The following MICAL3 variants were observed in gnomAD, a reference collection of about 807,000 sequenced individuals.
MICAL3 encodes [F-actin]-monooxygenase MICAL3.
A neutral mutation model predicts 207.4 loss-of-function variants in MICAL3; 62 were observed. That is an observed-to-expected ratio of 0.30 (90% CI 0.24 to 0.37). MICAL3 has a LOEUF of 0.37. Among genes scored for constraint, MICAL3 ranks in the 10% least tolerant of loss-of-function variants. The pLI is 1.00. For synonymous variants in MICAL3, 1,077 were observed against 1,069.3 expected, an observed-to-expected ratio of 1.01 and a Z score of -0.14; for missense variants, 2,368 against 2,635.6, an observed-to-expected ratio of 0.90 and a Z score of 2.22.
intron 1 of MICAL3, among the ~76,000 whole-genome samples, chr22:17,966,465 A>C (rs115310400): frequency 0.018 from 2,747 of 152,216 alleles, 83 homozygotes; most frequent in African/African-American, 0.062. Flanking sequence ...TTCAATCCTT[A>C]TTCATATCCA....
rs565661349 is a variant in MICAL3, at chr22:17,900,431, T to A, written c.847+411A>T. ...GCCCGGGCAACATGGCGAAACTCCG[T>A]CTCTACAAGTAATACGAAAAATTAG... On this transcript the variant is annotated intron_variant, in intron 6 of 31. Transcript: ENST00000441493. This position sits in a 1 kb window ranked among gnomAD's most constrained non-coding sequence, Gnocchi z 4.0. Among the ~76,000 whole-genome samples the A allele has an allele frequency of 2.6e-5, 4 of 152,062 alleles. No homozygotes were observed. Among genetic ancestry groups the A allele is most frequent in the Non-Finnish European group, 5.9e-5 (4 of 68,012 alleles).
At chr22:17,844,075 T>C (rs1346103725) in intron 19 of MICAL3, among the ~76,000 whole-genome samples, 1 of 152,194 alleles carries the variant, frequency 6.6e-6, no homozygotes, top group Admixed American at 6.5e-5. Flanking sequence ...CTCAATCTCC[T>C]GACCTCGTGA....
intron 16 of MICAL3, among the ~76,000 whole-genome samples, chr22:17,877,297 G>GGGAGGTTAT (rs1928767853): frequency 9.6e-6 from 1 of 104,062 alleles, no homozygotes; most frequent in Non-Finnish European, 1.9e-5. Flanking sequence ...ATGGAGGTTA[G>GGGAGGTTAT]GGAGGTTATG....
At chr22:17,865,173 T>C (rs1926955662) in intron 18 of MICAL3, among the ~76,000 whole-genome samples, 187 bp from the exon 19 acceptor site, 1 of 151,800 alleles carries the variant, frequency 6.6e-6, no homozygotes, top group African/African-American at 2.4e-5. Flanking sequence ...TGCAGCGGCA[T>C]CATCATAGCT....
At chr22:18,012,217 A>C (rs1376890209) in intron 1 of MICAL3, among the ~76,000 whole-genome samples, 1 of 152,270 alleles carries the variant, frequency 6.6e-6, no homozygotes, top group Non-Finnish European at 1.5e-5. Flanking sequence ...CCTGGGCGAC[A>C]AAGCAAGGCT....
rs2289719 is a variant in MICAL3 at position 17,885,885 on chromosome 22, C to T, written c.2234G>A (p.Arg745Gln). ...GGCACGGGTTGGGTTTACCTGTCTC[C>T]GTATGCCGATGGACTGTGCGGGCGC... ...ENAPAQSIGI[R>Q]RQGSMKKEFP... is the part of the protein sequence containing the mutation. The change falls in exon 16 of 32, where the codon CGG (arginine) becomes CAG (glutamine). Residue 745 changes from arginine to glutamine, a missense_variant. Physicochemically the swap from Arg to Gln is conservative, Grantham distance 43. Around this residue, in one of 4 missense-constraint regions of MICAL3, gnomAD observed 1,770 missense variants for 1,863.2 expected, o/e 0.95. Coordinates refer to ENST00000441493, the MANE Select transcript of MICAL3 (RefSeq NM_015241.3). The T allele has an allele frequency of 8.3e-5, 134 of 1,613,786 alleles. No homozygotes were observed. The East Asian group carries it at 2.2e-3, about 26-fold the overall frequency.
At chr22:17,791,794 A>T (rs575974787) in intron 29 of MICAL3, 1 of 166,030 alleles carries the variant, frequency 6.0e-6, no homozygotes, top group South Asian at 1.6e-4. Flanking sequence ...ACCAGAATAG[A>T]TGCCTTGTCC....
At chr22:17,963,720 C>A (rs1417472489) in intron 1 of MICAL3, among the ~76,000 whole-genome samples, 1 of 152,188 alleles carries the variant, frequency 6.6e-6, no homozygotes, top group Non-Finnish European at 1.5e-5. Context: ...ACTGAAGACA[C>A]AGCTACCCAT....
intron 1 of MICAL3, among the ~76,000 whole-genome samples, chr22:17,943,189 G>T (rs953884859): frequency 3.9e-5 from 6 of 152,024 alleles, no homozygotes; most frequent in African/African-American, 1.5e-4. Flanking sequence ...TTAAAATGGA[G>T]TCTCGCTCTG....
chr22:17,962,952 T>C (rs1315564716), intron 1 of MICAL3, among the ~76,000 whole-genome samples: 1 of 152,090 alleles, frequency 6.6e-6, no homozygotes, highest in South Asian at 2.1e-4. Flanking sequence ...AGGGTCTCAC[T>C]ATGTTGCCCA....
In MICAL3 at chr22:17,831,435, G is replaced by A. The variant is rs754274895; in HGVS notation, c.3055+419C>T. ...GCCATCAACTGAGCCCCATCCAGTG[G>A]GCACTAAGCTCATAGCCACCTCCGA... On this transcript the variant is annotated intron_variant, in intron 21 of 31. Transcript: ENST00000441493. Among the ~76,000 whole-genome samples, 3 of 152,194 alleles carry A rather than the reference G, an allele frequency of 2.0e-5. No homozygotes were observed. In the East Asian group the frequency reaches 5.8e-4, roughly 29 times the overall value.
At chr22:18,022,060 C>T (rs1020302700) in intron 1 of MICAL3, among the ~76,000 whole-genome samples, 1 of 152,112 alleles carries the variant, frequency 6.6e-6, no homozygotes, top group African/African-American at 2.4e-5. Flanking sequence ...ACATTTCAGA[C>T]CCCCAGTTTT....
chr22:17,866,862 A>AT (rs1233938235), intron 17 of MICAL3, among the ~76,000 whole-genome samples: 4 of 152,268 alleles, frequency 2.6e-5, no homozygotes, highest in East Asian at 3.9e-4. Flanking sequence ...CCACGCAGTC[A>AT]TTTTTTTCTG....
intron 19 of MICAL3, chr22:17,864,406 G>GAT: frequency 7.3e-7 from 1 of 1,373,050 alleles, no homozygotes; most frequent in Non-Finnish European, 9.4e-7. Context: ...AATCTTAAGT[G>GAT]AAGGTGAACC....
chr22:17,866,613 C>CAGAACAGAATAGAATAGAAT (rs1467864211), intron 17 of MICAL3, among the ~76,000 whole-genome samples: 155 of 136,264 alleles, frequency 1.1e-3, no homozygotes, highest in African/African-American at 2.7e-3. Context: ...TAGAACAGAA[C>CAGAACAGAATAGAATAGAAT]AGAATAGAAT....
At chr22:17,909,125 C>T (rs1051556813) in intron 1 of MICAL3, among the ~76,000 whole-genome samples, 1 of 152,224 alleles carries the variant, frequency 6.6e-6, no homozygotes, top group Non-Finnish European at 1.5e-5. Context: ...ACACAACACT[C>T]GTCACATAAT....
chr22:17,805,351 C>T (rs924655393), intron 29 of MICAL3, among the ~76,000 whole-genome samples: 10 of 152,168 alleles, frequency 6.6e-5, no homozygotes, highest in South Asian at 2.1e-4. Flanking sequence ...GGCAGGGCCA[C>T]GGGGAACTGT....
At chr22:17,862,180 G>A (rs909708819) in intron 19 of MICAL3, 11 of 985,106 alleles carry the variant, frequency 1.1e-5, no homozygotes, top group South Asian at 9.4e-5. Flanking sequence ...CAGTAGAGGC[G>A]GTTACCATGG....
intron 29 of MICAL3, among the ~76,000 whole-genome samples, chr22:17,798,088 G>A (rs550714579): frequency 1.4e-4 from 21 of 152,362 alleles, no homozygotes; most frequent in African/African-American, 4.8e-4. Context: ...ATTTCCCCAG[G>A]GAACACGGGT....
Sources: allele counts gnomAD v4.1 joint callset (sites outside exome capture counted in the v4.1 genomes callset), GRCh38; gene constraint gnomAD v4.1.1; regional missense constraint gnomAD v4.1.1; non-coding constraint Gnocchi (gnomAD v3.1); transcripts MANE v1.5; gene names NCBI Gene and HGNC (gene_info 2026-07-23, HGNC 2026-07-21).